The following NELL1 variants were observed in gnomAD, a reference collection of about 807,000 sequenced individuals.
The protein encoded by NELL1 is protein kinase C-binding protein NELL1.
Under a neutral mutation model 107.4 loss-of-function variants are expected in NELL1, and 76 were observed. The ratio of observed to expected loss-of-function variants is 0.71; its 90% CI spans 0.59 to 0.86. The LOEUF (loss-of-function observed/expected upper bound fraction) is 0.86. Ranked by LOEUF, NELL1 falls within the 40% of genes least tolerant of loss-of-function variation. The pLI is 0.00. For synonymous variants in NELL1, 353 were observed against 341.2 expected (o/e 1.03, Z -0.38); for missense variants, 1,024 against 1,005.5 (o/e 1.02, Z -0.25).
At chr11:20,956,238 A>C (rs1851168616) in intron 11 of NELL1, among the ~76,000 whole-genome samples, 1 of 151,886 alleles carries the variant, frequency 6.6e-6, no homozygotes, top group African/African-American at 2.4e-5. Flanking sequence ...CAAAACAACC[A>C]TGGTCAATAT....
chr11:20,800,022 T>C (rs917893583), intron 3 of NELL1, among the ~76,000 whole-genome samples: 4 of 152,244 alleles, frequency 2.6e-5, no homozygotes, highest in Non-Finnish European at 4.4e-5. Flanking sequence ...TTCATGGTGC[T>C]GCCAAGGACA....
intron 15 of NELL1, among the ~76,000 whole-genome samples, chr11:21,463,894 C>T (rs1487520033): frequency 6.6e-6 from 1 of 152,100 alleles, no homozygotes; most frequent in Non-Finnish European, 1.5e-5. Flanking sequence ...AAGCTGGAAT[C>T]CTCGGAAGAC....
At chr11:20,853,858 T>C (rs528003493) in intron 4 of NELL1, among the ~76,000 whole-genome samples, 3 of 152,306 alleles carry the variant, frequency 2.0e-5, no homozygotes, top group South Asian at 4.1e-4. Context: ...TGCATGCTTT[T>C]TACACCAATA....
chr11:21,201,275 T>C (rs1857263741), intron 13 of NELL1, among the ~76,000 whole-genome samples: 1 of 152,160 alleles, frequency 6.6e-6, no homozygotes, highest in African/African-American at 2.4e-5. Context: ...ATGAAATGTT[T>C]TCCATTAGTT....
At chr11:21,040,170 A>G (rs1270776148) in intron 12 of NELL1, among the ~76,000 whole-genome samples, 2 of 150,354 alleles carry the variant, frequency 1.3e-5, no homozygotes, top group African/African-American at 2.4e-5. Flanking sequence ...CACACTATAT[A>G]TGTGTGTGTG....
intron 2 of NELL1, among the ~76,000 whole-genome samples, chr11:20,702,628 A>C (rs912642616): frequency 2.0e-5 from 3 of 152,088 alleles, no homozygotes; most frequent in African/African-American, 7.2e-5. Flanking sequence ...CCCATTCAGT[A>C]TGATATTGGT....
At chr11:21,218,622 A>G (rs1333662495) in intron 13 of NELL1, among the ~76,000 whole-genome samples, 1 of 152,160 alleles carries the variant, frequency 6.6e-6, no homozygotes, top group Admixed American at 6.5e-5. Context: ...TCTCCTAATC[A>G]ACCTCTCTGT....
chr11:20,816,031 G>T (rs970221036), intron 3 of NELL1, among the ~76,000 whole-genome samples: 1 of 152,100 alleles, frequency 6.6e-6, no homozygotes, highest in South Asian at 2.1e-4. Flanking sequence ...TTTTGTACCA[G>T]TACCTTGTTG....
At chr11:21,010,070 G>A (rs1477245450) in intron 12 of NELL1, among the ~76,000 whole-genome samples, 4 of 151,820 alleles carry the variant, frequency 2.6e-5, no homozygotes, top group African/African-American at 9.7e-5. Context: ...TGGATTGACT[G>A]CATCTCTCTC....
chr11:21,077,038 A>G (rs76240087), intron 12 of NELL1, among the ~76,000 whole-genome samples: 3,317 of 152,196 alleles, frequency 0.022, 95 homozygotes, highest in African/African-American at 0.075. Flanking sequence ...AACACAATGA[A>G]CTAAGACACA....
At chr11:20,912,001 A>T (rs1238729379) in intron 5 of NELL1, among the ~76,000 whole-genome samples, 1 of 152,214 alleles carries the variant, frequency 6.6e-6, no homozygotes, top group Non-Finnish European at 1.5e-5. Flanking sequence ...TATCTTGTAC[A>T]TGCTGCCTCA....
chr11:21,484,163 T>C (rs967177954), intron 15 of NELL1, among the ~76,000 whole-genome samples: 3 of 150,688 alleles, frequency 2.0e-5, no homozygotes, highest in Non-Finnish European at 4.4e-5. Flanking sequence ...TTCCAAACTT[T>C]CCATAGTTTT....
intron 13 of NELL1, among the ~76,000 whole-genome samples, chr11:21,188,003 G>C (rs1215281977): frequency 1.3e-5 from 2 of 151,802 alleles, no homozygotes; most frequent in East Asian, 3.9e-4. Context: ...CTATGAAACT[G>C]AAACAAGGAA....
At chr11:21,103,902 A>T (rs1854883837) in intron 12 of NELL1, among the ~76,000 whole-genome samples, 1 of 152,210 alleles carries the variant, frequency 6.6e-6, no homozygotes, top group South Asian at 2.1e-4. Context: ...TACAAAGTTC[A>T]TGTTCTTGTG....
chr11:21,237,193 A>G (rs2133893438), intron 14 of NELL1, among the ~76,000 whole-genome samples: 1 of 152,202 alleles, frequency 6.6e-6, no homozygotes, highest in African/African-American at 2.4e-5. Context: ...GAACATTCAA[A>G]TTGGGCAACT....
At chr11:21,418,424 T>C (rs1030931522) in intron 15 of NELL1, among the ~76,000 whole-genome samples, 3 of 152,074 alleles carry the variant, frequency 2.0e-5, no homozygotes, top group African/African-American at 7.2e-5. Context: ...ACTTTGCCTA[T>C]GTAGTCACTG....
intron 15 of NELL1, among the ~76,000 whole-genome samples, chr11:21,457,576 G>A (rs1277523667): frequency 6.6e-6 from 1 of 152,124 alleles, no homozygotes; most frequent in African/African-American, 2.4e-5. Context: ...TGGGTATGGA[G>A]TAAATTTAAT....
chr11:21,025,163 A>C (rs533144385), intron 12 of NELL1, among the ~76,000 whole-genome samples: 1 of 152,198 alleles, frequency 6.6e-6, no homozygotes, highest in Non-Finnish European at 1.5e-5. Flanking sequence ...CCTGTACCTG[A>C]CATGGTTATT....
rs572694208 is a variant in NELL1, at chr11:21,505,472, T to C, written c.1646-28902T>C. Among the ~76,000 whole-genome samples, 4 of 152,228 alleles carry C rather than the reference T, an allele frequency of 2.6e-5. No homozygotes were observed. The South Asian group carries it at 8.3e-4, about 32-fold the overall frequency. On this transcript the variant is annotated intron_variant, in intron 15 of 19. Coordinates refer to ENST00000357134, the MANE Select transcript of NELL1 (RefSeq NM_006157.5). ...GGACTTAAATCTTAAGTCCTTTCAT[T>C]GAGTGGTCCCACTGTACTTTATAAA...
Sources: allele counts gnomAD v4.1 joint callset (sites outside exome capture counted in the v4.1 genomes callset), GRCh38; gene constraint gnomAD v4.1.1; transcripts MANE v1.5; gene names NCBI Gene and HGNC (gene_info 2026-07-23, HGNC 2026-07-21).